The following GATA6 variants were observed in gnomAD, a reference collection of about 807,000 sequenced individuals.
The protein encoded by GATA6 is GATA binding protein 6.
GATA6 carries 11 observed loss-of-function variants against 48.1 expected under a neutral mutation model. The ratio of observed to expected loss-of-function variants is 0.23; its 90% CI spans 0.14 to 0.38. The LOEUF (loss-of-function observed/expected upper bound fraction) is 0.38. Ranked by LOEUF, GATA6 falls within the 10% of genes least tolerant of loss-of-function variation. The pLI, the probability that GATA6 is intolerant of heterozygous loss-of-function variation, is 1.00. For missense variants in GATA6, 795 were observed against 850.3 expected, an observed-to-expected ratio of 0.93 and a Z score of 0.81; for synonymous variants, 419 against 396.1, an observed-to-expected ratio of 1.06 and a Z score of -0.69.
intron 6 of GATA6, among the ~76,000 whole-genome samples, chr18:22,199,392 T>C (rs2033428604): frequency 6.6e-6 from 1 of 152,254 alleles, no homozygotes; most frequent in Admixed American, 6.5e-5. Flanking sequence ...TAAGAGCTCC[T>C]GAACTTTTAG....
At chr18:22,189,570 A>C (rs1246298386) in intron 6 of GATA6, among the ~76,000 whole-genome samples, 4 of 151,038 alleles carry the variant, frequency 2.6e-5, no homozygotes, top group Non-Finnish European at 4.4e-5. Context: ...TGAAGGACTT[A>C]TGCTGTGCTT....
At chr18:22,184,256 C>G (rs776675049) in intron 6 of GATA6, among the ~76,000 whole-genome samples, 1 of 151,940 alleles carries the variant, frequency 6.6e-6, no homozygotes, top group Non-Finnish European at 1.5e-5. Flanking sequence ...CTTTGTCCTC[C>G]TACCCAAATT....
chr18:22,197,505 T>C (rs551833196), intron 6 of GATA6, among the ~76,000 whole-genome samples: 1 of 152,288 alleles, frequency 6.6e-6, no homozygotes, highest in South Asian at 2.1e-4. Context: ...CATCCTTCTG[T>C]TTTTCAGCTG....
chr18:22,186,119 C>T (rs188576506), intron 6 of GATA6, among the ~76,000 whole-genome samples: 1 of 152,246 alleles, frequency 6.6e-6, no homozygotes, highest in East Asian at 1.9e-4. Flanking sequence ...ATACACAGCA[C>T]CGAGGTTGGC....
At chr18:22,181,354 A>G (rs2033192887) in intron 3 of GATA6, 99 bp from the exon 4 acceptor site, 1 of 1,351,000 alleles carries the variant, frequency 7.4e-7, no homozygotes, top group Admixed American at 1.8e-5. Flanking sequence ...AAACAGATAC[A>G]TACTTGTTGA....
At chr18:22,198,158 C>T (rs2033415325) in intron 6 of GATA6, among the ~76,000 whole-genome samples, 1 of 151,480 alleles carries the variant, frequency 6.6e-6, no homozygotes, top group African/African-American at 2.4e-5. Context: ...AATCGTAGCT[C>T]ACTGCAGCCT....
At chr18:22,183,198 AAATG>A (rs1267778297) in intron 6 of GATA6, among the ~76,000 whole-genome samples, 155 bp downstream of exon 6, 3 of 152,244 alleles carry the variant, frequency 2.0e-5, no homozygotes, top group African/African-American at 7.2e-5. Context: ...AATTACATTT[AAATG>A]TCAACAAAAT....
chr18:22,193,754 G>C (rs565026864), intron 6 of GATA6, among the ~76,000 whole-genome samples: 130 of 152,314 alleles, frequency 8.5e-4, no homozygotes, highest in Non-Finnish European at 1.7e-3. Context: ...TGCATGAAGA[G>C]AGATTCCAGC....
chr18:22,190,959 C>T (rs1173198578), intron 6 of GATA6, among the ~76,000 whole-genome samples: 1 of 151,498 alleles, frequency 6.6e-6, no homozygotes, highest in Non-Finnish European at 1.5e-5. Context: ...AATGTTCAAG[C>T]ATGCGGATTT....
chr18:22,177,179 G>T (rs933557105), intron 3 of GATA6, 58 bp downstream of exon 3: 21 of 1,466,940 alleles, frequency 1.4e-5, no homozygotes, highest in Non-Finnish European at 1.9e-5. Flanking sequence ...TCCTGGCCCG[G>T]CCGGCCCCGC....
rs1259252296 is a variant in GATA6 at position 22,170,341 on chromosome 18, C to G, written c.-38+659C>G. ...GAGCGCGCACGCTGGTGGCTGCAGG[C>G]GCGGGCCGTGTCTAAGGTGTGCGGC... On this transcript the variant is annotated intron_variant, in intron 1 of 6. Coordinates refer to ENST00000269216, the MANE Select transcript of GATA6 (RefSeq NM_005257.6). This position sits in a 1 kb window ranked among gnomAD's most constrained non-coding sequence, Gnocchi z 6.7. Among the ~76,000 whole-genome samples, 3 of 152,232 alleles carry G rather than the reference C, an allele frequency of 2.0e-5. No homozygotes were observed.
chr18:22,179,848 G>A (rs150202784), intron 3 of GATA6, among the ~76,000 whole-genome samples: 85 of 152,266 alleles, frequency 5.6e-4, no homozygotes, highest in African/African-American at 1.9e-3. Flanking sequence ...GTGCTAAAAG[G>A]TTTGCCAGTG....
At chr18:22,194,930 T>C (rs1351790071) in intron 6 of GATA6, among the ~76,000 whole-genome samples, 2 of 151,790 alleles carry the variant, frequency 1.3e-5, no homozygotes, top group East Asian at 3.9e-4. Flanking sequence ...CTTTGGGAGG[T>C]CGAGGCAGGC....
At position 22,171,313 on chromosome 18, in the gene GATA6, G is replaced by T. The variant is rs762765948; in HGVS notation, c.169G>T (p.Ala57Ser). The T allele has an allele frequency of 1.3e-6, 2 of 1,588,412 alleles. No individual in the cohort carries two copies. Among genetic ancestry groups the T allele is most frequent in the Non-Finnish European group, 1.7e-6 (2 of 1,174,168 alleles). ...GGGCGGAGAGCGGGGCCCCGGCGGCGCCAGCAACTGCGGGACGCCTCAGCT... is the reference window on the plus strand; with the variant it reads ...GGGCGGAGAGCGGGGCCCCGGCGGCTCCAGCAACTGCGGGACGCCTCAGCT... ...SRGGERGPGG[A>S]SNCGTPQLDT... The change falls in exon 2 of 7, where the codon GCC (alanine) becomes TCC (serine). Residue 57 changes from alanine (A) to serine (S), a missense_variant. Coordinates refer to ENST00000269216, the MANE Select transcript of GATA6 (RefSeq NM_005257.6). This position sits in a 1 kb window ranked among gnomAD's most constrained non-coding sequence, Gnocchi z 7.1.
intron 3 of GATA6, among the ~76,000 whole-genome samples, chr18:22,177,956 T>C (rs924937498): frequency 6.9e-5 from 9 of 130,300 alleles, no homozygotes; most frequent in African/African-American, 2.6e-4. Context: ...TTTTTTGTTT[T>C]TTTTTTTTTT....
intron 5 of GATA6, 35 bp downstream of exon 5, chr18:22,182,879 A>G (rs1025404539): frequency 2.5e-6 from 4 of 1,598,752 alleles, no homozygotes; most frequent in Admixed American, 1.7e-5. Flanking sequence ...ACTGTAAAGT[A>G]TTTGCCAACC....
chr18:22,179,608 C>T (rs2033168434), intron 3 of GATA6, among the ~76,000 whole-genome samples: 2 of 152,150 alleles, frequency 1.3e-5, no homozygotes, highest in East Asian at 3.8e-4. Flanking sequence ...CTTCCTGTCC[C>T]TTGTTTACTG....
chr18:22,193,692 G>A (rs1004671998), intron 6 of GATA6, among the ~76,000 whole-genome samples: 1 of 152,202 alleles, frequency 6.6e-6, no homozygotes, highest in African/African-American at 2.4e-5. Flanking sequence ...GGATCACACA[G>A]TCGTCCTTCA....
Position 22,179,194 on chromosome 18 carries a change from T to C in GATA6, c.1302+2073T>C, listed in dbSNP as rs1163443705. Among the ~76,000 whole-genome samples, 5 of 152,286 alleles carry C rather than the reference T, an allele frequency of 3.3e-5. No homozygotes were observed. The East Asian group carries it at 9.6e-4, about 29-fold the overall frequency. On this transcript the variant is annotated intron_variant, in intron 3 of 6. Transcript: ENST00000269216. Reference sequence around the variant, plus strand: ...GTTATAAATGATACCAATTGAAGGGTGTGTCACTATCAATTAGGTCTCCTT... The same window carrying C: ...GTTATAAATGATACCAATTGAAGGGCGTGTCACTATCAATTAGGTCTCCTT...
Sources: gnomAD v4.1 joint callset for allele counts (sites outside exome capture counted in the v4.1 genomes callset) on GRCh38, gnomAD v4.1.1 for gene constraint, Gnocchi (gnomAD v3.1) non-coding constraint, MANE v1.5 for transcripts, NCBI Gene and HGNC (gene_info 2026-07-23, HGNC 2026-07-21) for gene names.